Variants in USP34 observed in about 807,000 individuals in gnomAD.
USP34 encodes the protein ubiquitin specific peptidase 34, also known as ubiquitin carboxyl-terminal hydrolase 34.
A neutral mutation model predicts 460.3 loss-of-function variants in USP34; 70 were observed. That is an observed-to-expected ratio of 0.15 (90% CI 0.13 to 0.19). The LOEUF is 0.19. Ranked by LOEUF, USP34 falls within the 10% of genes least tolerant of loss-of-function variation. The probability of loss-of-function intolerance (pLI) is 1.00; values close to 1 mark genes in which losing one functional copy is unlikely to be tolerated. For missense variants in USP34, 3,985 were observed against 4,236.2 expected (o/e 0.94, Z 1.65); for synonymous variants, 1,647 against 1,405.3 (o/e 1.17, Z -3.85).
chr2:61,435,475 G>T (rs932379955), intron 1 of USP34, among the ~76,000 whole-genome samples: 1 of 151,582 alleles, frequency 6.6e-6, no homozygotes, highest in Non-Finnish European at 1.5e-5. Flanking sequence ...CAAAAAAACA[G>T]CTTATCAAGA....
intron 1 of USP34, among the ~76,000 whole-genome samples, chr2:61,432,284 G>T (rs1329974573): frequency 6.6e-6 from 1 of 152,080 alleles, no homozygotes; most frequent in South Asian, 2.1e-4. Context: ...GACCAGCCTG[G>T]ATAACATGGC....
intron 3 of USP34, among the ~76,000 whole-genome samples, chr2:61,400,220 C>A (rs1435643790): frequency 1.3e-5 from 2 of 151,948 alleles, no homozygotes; most frequent in Non-Finnish European, 2.9e-5. Context: ...CGCCATTCTC[C>A]CGCCTCAGCC....
chr2:61,298,572 A>AAAAAAAAAAC (rs1690115222), intron 29 of USP34, among the ~76,000 whole-genome samples: 5 of 130,154 alleles, frequency 3.8e-5, no homozygotes, highest in Non-Finnish European at 5.0e-5. Context: ...AAAAAAAAAA[A>AAAAAAAAAAC]TCTGCTGAAA....
chr2:61,283,371 T>C, intron 36 of USP34, 38 bp downstream of exon 36: 3 of 1,584,502 alleles, frequency 1.9e-6, no homozygotes, highest in Non-Finnish European at 2.6e-6. Context: ...ATTATTCAAG[T>C]TTTTATTTAT....
Position 61,295,181 on chromosome 2 carries a change from C to T in USP34, c.4364G>A (p.Arg1455Lys). The T allele has an allele frequency of 6.2e-7, 1 of 1,610,574 alleles. No homozygotes were observed. Among genetic ancestry groups the T allele is most frequent in the Non-Finnish European group, 8.5e-7 (1 of 1,179,014 alleles). ...EALGKPNRRI[R>K]RESTGSYSDL... ...AAATGCAATTACCGTAGACTCCCTC[C>T]TTATTCTTCTATTAGGTTTTCCCAG... The change falls in exon 31 of 80, where the codon AGG becomes AAG. Residue 1455 changes from arginine (R) to lysine (K), a missense_variant. Around this residue, in one of 14 missense-constraint regions of USP34, gnomAD observed 1,114 missense variants for 1,122.5 expected, o/e 0.99. Coordinates refer to ENST00000398571, the MANE Select transcript of USP34 (RefSeq NM_014709.4).
chr2:61,268,641 AG>A (rs1689125062), intron 41 of USP34, among the ~76,000 whole-genome samples: 2 of 152,042 alleles, frequency 1.3e-5, no homozygotes, highest in African/African-American at 4.8e-5. Context: ...AATAGATAAT[AG>A]GGTAATTTTT....
intron 2 of USP34, chr2:61,417,378 G>A: frequency 5.5e-6 from 3 of 543,198 alleles, no homozygotes; most frequent in Non-Finnish European, 6.8e-6. Flanking sequence ...ATTGGCTGCA[G>A]GACCTCCGTA....
Position 61,215,796 on chromosome 2 carries a change from A to G in USP34, c.8048-1102T>C, listed in dbSNP as rs554213120. Among the ~76,000 whole-genome samples the G allele has an allele frequency of 2.1e-4, 32 of 152,368 alleles. 1 individual carries two copies. The East Asian group carries it at 6.2e-3, about 29-fold the overall frequency. The stretch of plus-strand genomic sequence containing the variant: ...TACCAAATGTATACTATTTGACGTC[A>G]TAACTTTATGTGGCAGGCATTGCAT... On this transcript the variant is annotated intron_variant, in intron 67 of 79. Transcript: ENST00000398571.
chr2:61,227,737 A>AAAC (rs146487420), intron 61 of USP34, among the ~76,000 whole-genome samples: 753 of 43,894 alleles, frequency 0.017, 4 homozygotes, highest in Non-Finnish European at 0.023. Flanking sequence ...ACAAACAAAC[A>AAAC]AAAAAAAAAC....
intron 1 of USP34, among the ~76,000 whole-genome samples, chr2:61,425,541 C>G (rs1694486716): frequency 6.6e-6 from 1 of 152,108 alleles, no homozygotes; most frequent in Non-Finnish European, 1.5e-5. Flanking sequence ...GACTCCCACC[C>G]AGGGAGGGAG....
In USP34 at chr2:61,200,299, C is replaced by T. The variant is rs187123505; in HGVS notation, c.9508+2841G>A. ...TGTTTTTAAGTATCAAAATACTTGC[C>T]GACACAGTTTTTTTCAGATGGCAGT... is the stretch of plus-strand genomic sequence containing the variant. On this transcript the variant is annotated intron_variant, in intron 75 of 79. Transcript: ENST00000398571. 8 of 152,412 alleles carry T rather than the reference C, an allele frequency of 5.2e-5. No individual in the cohort carries two copies. In the South Asian group the frequency reaches 1.0e-3, roughly 20 times the overall value. The allele number at this position is 152,412 out of a possible 1,614,324, so 9.4% of individuals were successfully genotyped here. A position where few individuals can be genotyped will look rare whatever the true frequency, so the allele number is the denominator to read the frequency against.
chr2:61,466,829 T>C (rs990476384), intron 1 of USP34, among the ~76,000 whole-genome samples: 1 of 151,686 alleles, frequency 6.6e-6, no homozygotes, highest in Non-Finnish European at 1.5e-5. Flanking sequence ...GAAGAATCAC[T>C]TGAATCCGGG....
intron 7 of USP34, among the ~76,000 whole-genome samples, chr2:61,379,102 G>C (rs139786834): frequency 6.6e-6 from 1 of 152,088 alleles, no homozygotes; most frequent in Non-Finnish European, 1.5e-5. Context: ...ATCCACTCAA[G>C]ATTTAATTTA....
chr2:61,298,374 A>AC (rs1279178768), intron 29 of USP34, among the ~76,000 whole-genome samples: 35 of 142,250 alleles, frequency 2.5e-4, no homozygotes, highest in Admixed American at 1.4e-4. Flanking sequence ...CAAAAAAAAA[A>AC]AAAAAAAAAA....
chr2:61,344,644 T>C (rs1691708232), intron 15 of USP34, among the ~76,000 whole-genome samples: 1 of 152,162 alleles, frequency 6.6e-6, no homozygotes, highest in South Asian at 2.1e-4. Flanking sequence ...TCTTGTGAGG[T>C]ATGGAATGGG....
intron 1 of USP34, among the ~76,000 whole-genome samples, chr2:61,456,299 A>G (rs1484838484): frequency 6.6e-6 from 1 of 152,202 alleles, no homozygotes; most frequent in Non-Finnish European, 1.5e-5. Flanking sequence ...GATCAGCTTC[A>G]AGAATAGGTC....
intron 18 of USP34, among the ~76,000 whole-genome samples, chr2:61,334,976 A>C (rs998275226): frequency 2.0e-5 from 3 of 152,156 alleles, no homozygotes; most frequent in African/African-American, 7.2e-5. Flanking sequence ...TCAAATTCCA[A>C]AGAACAAAGA....
At chr2:61,279,170 C>T (rs1689461732) in intron 39 of USP34, among the ~76,000 whole-genome samples, 1 of 151,598 alleles carries the variant, frequency 6.6e-6, no homozygotes, top group South Asian at 2.1e-4. Context: ...TTAAAACTTG[C>T]TCAATACTAA....
chr2:61,339,503 C>T, intron 17 of USP34, 25 bp from the exon 18 acceptor site: 1 of 1,556,574 alleles, frequency 6.4e-7, no homozygotes, highest in East Asian at 2.3e-5. Flanking sequence ...TATAAAATTA[C>T]TATTTATCCT....
Sources: allele counts gnomAD v4.1 joint callset (sites outside exome capture counted in the v4.1 genomes callset), GRCh38; gene constraint gnomAD v4.1.1; regional missense constraint gnomAD v4.1.1; transcripts MANE v1.5; gene names NCBI Gene and HGNC (gene_info 2026-07-23, HGNC 2026-07-21).